Variants in AFF1 observed in about 807,000 individuals in gnomAD.
The protein encoded by AFF1 is ALF transcription elongation factor 1.
In AFF1, 48 loss-of-function variants were observed where a neutral mutation model predicts 121.7. The observed-to-expected ratio is 0.39, with a 90% CI of 0.31 to 0.50. The LOEUF (loss-of-function observed/expected upper bound fraction) is 0.50, where lower values mean the gene tolerates loss of function less well. Ranked by LOEUF, AFF1 falls within the 20% of genes least tolerant of loss-of-function variation. The probability of loss-of-function intolerance (pLI) is 0.76; values close to 1 mark genes in which losing one functional copy is unlikely to be tolerated. For missense variants in AFF1, 1,523 were observed against 1,511.7 expected, an observed-to-expected ratio of 1.01 and a Z score of -0.12; for synonymous variants, 613 against 563.0, an observed-to-expected ratio of 1.09 and a Z score of -1.26.
At chr4:87,059,189 A>G (rs1053239819) in intron 4 of AFF1, among the ~76,000 whole-genome samples, 1 of 152,200 alleles carries the variant, frequency 6.6e-6, no homozygotes, top group African/African-American at 2.4e-5. Flanking sequence ...TAAAACTCTT[A>G]AAACGTATTT....
intron 5 of AFF1, among the ~76,000 whole-genome samples, chr4:87,088,610 T>G (rs921319422): frequency 3.9e-5 from 6 of 152,162 alleles, no homozygotes; most frequent in Non-Finnish European, 7.4e-5. Flanking sequence ...TGTCAATTTT[T>G]TTTTTTGTTG....
chr4:87,039,235 TAC>T (rs1234136549), intron 2 of AFF1, among the ~76,000 whole-genome samples: 3 of 152,196 alleles, frequency 2.0e-5, no homozygotes, highest in Non-Finnish European at 4.4e-5. Flanking sequence ...CACTAATCCT[TAC>T]AGAGTTGTGA....
At position 87,125,043 on chromosome 4, in the gene AFF1, G is replaced by A. The variant is rs1438768010; in HGVS notation, c.2473G>A (p.Ala825Thr). The stretch of plus-strand genomic sequence containing the variant: ...GCTGATTATACTGTAATAGGGTGAA[G>A]CAGAAAGAGACTGTGATAACAAGAA... ...SKLAKKRKGE[A>T]ERDCDNKKIR... The change falls in exon 13 of 21, where the codon GCA becomes ACA. Residue 825 changes from alanine (A) to threonine (T), a missense_variant. Around this residue, in one of 5 missense-constraint regions of AFF1, gnomAD observed 905 missense variants for 842.5 expected, o/e 1.07. Coordinates refer to ENST00000395146, the MANE Select transcript of AFF1 (RefSeq NM_001166693.3). 2 of 1,601,908 alleles carry A rather than the reference G, an allele frequency of 1.2e-6. No homozygotes were observed. The highest frequency in any genetic ancestry group is 3.4e-5 in the Admixed American group (2 of 58,678).
intron 16 of AFF1, among the ~76,000 whole-genome samples, chr4:87,128,473 C>T (rs951218873): frequency 1.3e-5 from 2 of 152,082 alleles, no homozygotes; most frequent in Non-Finnish European, 2.9e-5. Context: ...AACCTAAATC[C>T]CCACAAATGC....
chr4:87,000,031 C>T (rs1414270406), intron 2 of AFF1, among the ~76,000 whole-genome samples: 1 of 152,100 alleles, frequency 6.6e-6, no homozygotes, highest in Admixed American at 6.6e-5. Context: ...TGAAGGGGCT[C>T]CCAGTGGCCA....
chr4:87,099,705 G>A (rs1306313120), intron 8 of AFF1, among the ~76,000 whole-genome samples: 1 of 152,180 alleles, frequency 6.6e-6, no homozygotes, highest in Non-Finnish European at 1.5e-5. Flanking sequence ...CACTGTGCCC[G>A]GCCCCCACAT....
At position 87,047,344 on chromosome 4, in the gene AFF1, T is replaced by C; in HGVS notation, c.809T>C (p.Leu270Ser). The C allele has an allele frequency of 6.2e-7, 1 of 1,614,076 alleles. No individual in the cohort carries two copies. Among genetic ancestry groups the C allele is most frequent in the Non-Finnish European group, 8.5e-7 (1 of 1,180,008 alleles). Residue 270 changes from leucine to serine, a missense_variant, in exon 4 of 21, where the codon TTG (leucine) becomes TCG (serine). Leu to Ser is a moderately radical substitution (Grantham distance 145, BLOSUM62 -2). This residue lies in a region of AFF1 where 369 missense variants were observed against 367.2 expected (regional missense o/e 1.00). Transcript: ENST00000395146. ...GATAAAGAGACCCCTCAAGACAGTT[T>C]GGTGGCCCCTGCCCAGCCGCCTTCT... is the stretch of plus-strand genomic sequence containing the variant. ...VHDKETPQDS[L>S]VAPAQPPSQT... is the part of the protein sequence containing the mutation.
intron 2 of AFF1, among the ~76,000 whole-genome samples, chr4:87,003,955 A>T (rs983601815): frequency 5.3e-5 from 8 of 152,380 alleles, no homozygotes; most frequent in Admixed American, 5.2e-4. Flanking sequence ...ATCAAGACTG[A>T]ACCAAAAACT....
chr4:86,962,214 C>T (rs1292437492), intron 2 of AFF1, among the ~76,000 whole-genome samples: 1 of 142,136 alleles, frequency 7.0e-6, no homozygotes, highest in Non-Finnish European at 1.5e-5. Flanking sequence ...GAGTAGAACA[C>T]TTCTTACAGG....
intron 15 of AFF1, 52 bp downstream of exon 15, chr4:87,127,169 C>CCCA: frequency 7.8e-7 from 1 of 1,282,966 alleles, no homozygotes; most frequent in Non-Finnish European, 1.1e-6. Context: ...TTTTGCTTCC[C>CCCA]CCCCCCACCA....
At chr4:86,999,297 C>T (rs554735656) in intron 2 of AFF1, among the ~76,000 whole-genome samples, 1 of 152,090 alleles carries the variant, frequency 6.6e-6, no homozygotes, top group Non-Finnish European at 1.5e-5. Flanking sequence ...GCTTTTATTC[C>T]CAAGGAAGGA....
chr4:86,946,650 C>G (rs1015442466), intron 1 of AFF1, among the ~76,000 whole-genome samples: 17 of 152,058 alleles, frequency 1.1e-4, no homozygotes, highest in African/African-American at 3.9e-4. Flanking sequence ...CCCTGGCCTC[C>G]CAAAGTGCTG....
intron 2 of AFF1, among the ~76,000 whole-genome samples, chr4:87,022,584 C>G (rs57182278): frequency 3.6e-5 from 4 of 112,432 alleles, no homozygotes; most frequent in Admixed American, 2.0e-4. Context: ...ATATATATAT[C>G]TATCTATATC....
chr4:87,124,959 C>A, intron 12 of AFF1, 78 bp from the exon 13 acceptor site: 2 of 1,290,078 alleles, frequency 1.6e-6, no homozygotes, highest in Non-Finnish European at 1.0e-6. Context: ...CCCTCTTTGC[C>A]TTTTCTATAT....
intron 5 of AFF1, among the ~76,000 whole-genome samples, chr4:87,087,710 T>C (rs1246813829): frequency 2.0e-5 from 3 of 152,184 alleles, no homozygotes; most frequent in Non-Finnish European, 2.9e-5. Flanking sequence ...CCACTTAGGG[T>C]TTGAAAGAAT....
At chr4:87,072,557 T>C (rs372531477) in intron 4 of AFF1, among the ~76,000 whole-genome samples, 9 of 152,004 alleles carry the variant, frequency 5.9e-5, no homozygotes, top group Admixed American at 4.6e-4. Flanking sequence ...AGTTTTGCTC[T>C]GTCTCTCAGG....
intron 2 of AFF1, among the ~76,000 whole-genome samples, chr4:87,025,761 G>T (rs1369156916): frequency 6.6e-6 from 1 of 152,162 alleles, no homozygotes; most frequent in Non-Finnish European, 1.5e-5. Context: ...AGTGTCAATA[G>T]TGGAGAACTC....
intron 4 of AFF1, among the ~76,000 whole-genome samples, chr4:87,077,317 G>A (rs1379748072): frequency 1.3e-5 from 2 of 152,108 alleles, no homozygotes; most frequent in African/African-American, 2.4e-5. Context: ...CAAAAATTCA[G>A]TGTGGCGTGT....
In AFF1 at chr4:86,949,180, A is replaced by AT. The variant is rs34958148; in HGVS notation, c.38+621dup. On this transcript the variant is annotated intron_variant, in intron 2 of 20. Transcript: ENST00000395146. Reference sequence around the variant, plus strand: ...TATTCAAAAATATATATATATATATATTTTTTTTTTTTGAGATGGAGTCTC... The same window carrying AT: ...TATTCAAAAATATATATATATATATATTTTTTTTTTTTTGAGATGGAGTCTC... Among the ~76,000 whole-genome samples, 615 of 137,732 alleles carry AT rather than the reference A, an allele frequency of 4.5e-3. 1 individual carries two copies. Among genetic ancestry groups the AT allele is most frequent in the Middle Eastern group, 0.03 (8 of 268 alleles). 90.4% of individuals were successfully genotyped at this position (137,732 alleles called of 152,430 possible).
Sources: allele counts gnomAD v4.1 joint callset (sites outside exome capture counted in the v4.1 genomes callset), GRCh38; gene constraint gnomAD v4.1.1; regional missense constraint gnomAD v4.1.1; transcripts MANE v1.5; gene names NCBI Gene and HGNC (gene_info 2026-07-23, HGNC 2026-07-21).